The following ANKRD44 variants were observed in gnomAD, a reference collection of about 807,000 sequenced individuals.
The protein encoded by ANKRD44 is serine/threonine-protein phosphatase 6 regulatory ankyrin repeat subunit B.
ANKRD44 carries 35 observed loss-of-function variants against 116.0 expected under a neutral mutation model. The ratio of observed to expected loss-of-function variants is 0.30; its 90% confidence interval spans 0.23 to 0.40. The LOEUF (loss-of-function observed/expected upper bound fraction) is 0.40, where lower values mean the gene tolerates loss of function less well. Among genes scored for constraint, ANKRD44 ranks in the 10% least tolerant of loss-of-function variants. The probability of loss-of-function intolerance (pLI) is 1.00; values close to 1 mark genes in which losing one functional copy is unlikely to be tolerated. For missense variants in ANKRD44, 1,014 were observed against 1,242.6 expected (o/e 0.82, Z 2.77); for synonymous variants, 435 against 461.8 (o/e 0.94, Z 0.74).
At chr2:197,155,892 G>GT (rs2079797118) in intron 2 of ANKRD44, among the ~76,000 whole-genome samples, 1 of 152,080 alleles carries the variant, frequency 6.6e-6, no homozygotes, top group Non-Finnish European at 1.5e-5. Context: ...CAGACTGGGG[G>GT]AACATATTTG....
At chr2:197,164,556 G>A (rs564861221) in intron 2 of ANKRD44, among the ~76,000 whole-genome samples, 49 of 152,300 alleles carry the variant, frequency 3.2e-4, no homozygotes, top group Non-Finnish European at 7.4e-5. Flanking sequence ...GGCCGGCTTC[G>A]CGGCCGCTCG....
chr2:197,261,604 A>G (rs2082608031), intron 1 of ANKRD44, among the ~76,000 whole-genome samples: 1 of 152,188 alleles, frequency 6.6e-6, no homozygotes, highest in Non-Finnish European at 1.5e-5. Context: ...TTCTAAAAAC[A>G]TAAGTCTATA....
At chr2:197,206,486 C>T (rs900440029) in intron 1 of ANKRD44, among the ~76,000 whole-genome samples, 1 of 152,128 alleles carries the variant, frequency 6.6e-6, no homozygotes, top group African/African-American at 2.4e-5. Flanking sequence ...GAGTTTGAGA[C>T]CAGCCTGGCC....
chr2:197,228,059 C>T (rs536726431), intron 1 of ANKRD44, among the ~76,000 whole-genome samples: 6 of 152,198 alleles, frequency 3.9e-5, no homozygotes, highest in African/African-American at 1.4e-4. Context: ...TCAGACAGAC[C>T]CGGAATCAAA....
Position 197,310,638 on chromosome 2 carries a change from T to C in ANKRD44, c.-34A>G. 1.5e-6 allele frequency: 2 copies of C among 1,328,586 alleles called. No individual in the cohort carries two copies. The highest frequency in any genetic ancestry group is 2.0e-6 in the Non-Finnish European group (2 of 1,015,802). The allele number at this position is 1,328,586 out of a possible 1,614,324, so 82.3% of individuals were successfully genotyped here. On this transcript the variant is annotated 5_prime_UTR_variant, in exon 1 of 28. Coordinates refer to ENST00000282272, the MANE Select transcript of ANKRD44 (RefSeq NM_001195144.2). ...TCCTTCGCGCGCACACACATGCAGG[T>C]CCCCGGCCCGCAGATGTCACGCCGG... is the stretch of plus-strand genomic sequence containing the variant.
intron 2 of ANKRD44, among the ~76,000 whole-genome samples, chr2:197,154,906 A>C (rs1453632424): frequency 6.6e-6 from 1 of 152,218 alleles, no homozygotes; most frequent in South Asian, 2.1e-4. Flanking sequence ...ATTTGAATGT[A>C]ACATGGATAT....
chr2:197,097,733 T>C (rs966086100), intron 10 of ANKRD44, among the ~76,000 whole-genome samples: 1 of 152,240 alleles, frequency 6.6e-6, no homozygotes, highest in African/African-American at 2.4e-5. Context: ...GCCTGCAGTA[T>C]GTCTGGACTG....
intron 1 of ANKRD44, among the ~76,000 whole-genome samples, chr2:197,295,181 T>C (rs962119448): frequency 1.3e-5 from 2 of 152,212 alleles, no homozygotes; most frequent in African/African-American, 4.8e-5. Flanking sequence ...TAATTAAATC[T>C]AGATCAAAGT....
chr2:197,154,341 G>A (rs971459972), intron 2 of ANKRD44, among the ~76,000 whole-genome samples: 39 of 151,616 alleles, frequency 2.6e-4, no homozygotes, highest in African/African-American at 8.9e-4. Context: ...TACCACGCCC[G>A]GCTAATTTTT....
chr2:197,281,892 T>C (rs1219566572), intron 1 of ANKRD44, among the ~76,000 whole-genome samples: 1 of 152,166 alleles, frequency 6.6e-6, no homozygotes, highest in Non-Finnish European at 1.5e-5. Context: ...ATTGTGAGGC[T>C]GGTTGGTAGG....
intron 2 of ANKRD44, among the ~76,000 whole-genome samples, chr2:197,156,118 G>A (rs151231961): frequency 0.052 from 7,893 of 152,188 alleles, 683 homozygotes; most frequent in African/African-American, 0.18. Context: ...AGGCCAAGGC[G>A]GGCGGATCAC....
At chr2:197,070,413 G>T (rs910157217) in intron 16 of ANKRD44, among the ~76,000 whole-genome samples, 1 of 152,058 alleles carries the variant, frequency 6.6e-6, no homozygotes, top group African/African-American at 2.4e-5. Context: ...TTCTAGGAGA[G>T]TTTTTTGTTG....
chr2:197,254,113 C>T (rs781213624), intron 1 of ANKRD44, among the ~76,000 whole-genome samples: 46 of 152,178 alleles, frequency 3.0e-4, no homozygotes, highest in Non-Finnish European at 5.7e-4. Context: ...AACTCCAAGA[C>T]GAGGCACGGT....
At chr2:197,107,594 GGAGAGCAGTCAGAGAAGCA>G (rs1329723181) in intron 9 of ANKRD44, among the ~76,000 whole-genome samples, 2 of 152,182 alleles carry the variant, frequency 1.3e-5, no homozygotes, top group African/African-American at 2.4e-5. Flanking sequence ...AATCCTGACT[GGAGAGCAGTCAGAGAAGCA>G]GAGAAAACTA....
intron 21 of ANKRD44, among the ~76,000 whole-genome samples, chr2:196,975,070 C>A (rs985594453): frequency 2.0e-5 from 3 of 151,952 alleles, no homozygotes; most frequent in Non-Finnish European, 2.9e-5. Context: ...ACTTCTACCA[C>A]GACTAAAGAA....
chr2:197,037,592 T>G (rs2076831406), intron 16 of ANKRD44, among the ~76,000 whole-genome samples: 1 of 152,226 alleles, frequency 6.6e-6, no homozygotes, highest in Non-Finnish European at 1.5e-5. Context: ...ACTGCAGAAT[T>G]ACCAAAATCA....
At chr2:197,077,819 AT>A (rs1180052573) in intron 16 of ANKRD44, 1 of 152,162 alleles carries the variant, frequency 6.6e-6, no homozygotes, top group South Asian at 2.1e-4. Context: ...CCGTTTTTGA[AT>A]GTTTTATAAT....
chr2:196,982,574 A>C (rs1203703586), downstream of ANKRD44, among the ~76,000 whole-genome samples: 1 of 152,100 alleles, frequency 6.6e-6, no homozygotes, highest in Non-Finnish European at 1.5e-5. Flanking sequence ...TTCTTCCCCA[A>C]ACTCTACTGT....
intron 16 of ANKRD44, among the ~76,000 whole-genome samples, chr2:197,031,052 T>C: frequency 6.6e-6 from 1 of 152,150 alleles, no homozygotes; most frequent in East Asian, 1.9e-4. Flanking sequence ...CCCACAACAC[T>C]GGAAAGCAAA....
Sources: gnomAD v4.1 joint callset for allele counts (sites outside exome capture counted in the v4.1 genomes callset) on GRCh38, gnomAD v4.1.1 for gene constraint, MANE v1.5 for transcripts, NCBI Gene and HGNC (gene_info 2026-07-23, HGNC 2026-07-21) for gene names.